Variants in DHX15 observed in about 807,000 individuals in gnomAD.
DHX15 encodes ATP-dependent RNA helicase DHX15.
DHX15 carries 11 observed loss-of-function variants against 94.4 expected under a neutral mutation model. The ratio of observed to expected loss-of-function variants is 0.12; its 90% CI spans 0.07 to 0.19. DHX15 has a LOEUF of 0.19. DHX15 is among the 10% of genes least tolerant of loss of function. The pLI is 1.00. For missense variants in DHX15, 304 were observed against 988.5 expected (o/e 0.31, Z 9.29); for synonymous variants, 338 against 329.9 (o/e 1.02, Z -0.27).
chr4:24,577,322 T>A (rs1233723971), intron 1 of DHX15, among the ~76,000 whole-genome samples: 1 of 152,204 alleles, frequency 6.6e-6, no homozygotes, highest in African/African-American at 2.4e-5. Flanking sequence ...AAATACGAAT[T>A]ACAGGACTGC....
chr4:24,581,397 A>G (rs1323229934), intron 1 of DHX15, among the ~76,000 whole-genome samples: 2 of 152,206 alleles, frequency 1.3e-5, no homozygotes, highest in Non-Finnish European at 2.9e-5. Context: ...AAAAAAAATC[A>G]AAGTACAAAA....
At chr4:24,572,816 G>C (rs1367864152) in intron 2 of DHX15, among the ~76,000 whole-genome samples, 1 of 152,166 alleles carries the variant, frequency 6.6e-6, no homozygotes, top group African/African-American at 2.4e-5. Context: ...GTCAGTTAAT[G>C]CATCTGTTCA....
intron 1 of DHX15, 34 bp downstream of exon 1, chr4:24,584,289 C>A (rs1178276307): frequency 6.3e-7 from 1 of 1,597,316 alleles, no homozygotes; most frequent in South Asian, 1.1e-5. Flanking sequence ...CAACAAAGCC[C>A]GAGCTGCCGC....
chr4:24,540,472 T>C (rs898436699), intron 9 of DHX15, among the ~76,000 whole-genome samples, 173 bp from the exon 10 acceptor site: 5 of 152,104 alleles, frequency 3.3e-5, no homozygotes, highest in South Asian at 2.1e-4. Flanking sequence ...CATAAAAACA[T>C]TGCAAAATTT....
intron 13 of DHX15, among the ~76,000 whole-genome samples, 180 bp downstream of exon 13, chr4:24,529,421 T>A (rs896780537): frequency 1.3e-5 from 2 of 152,134 alleles, no homozygotes; most frequent in Non-Finnish European, 2.9e-5. Context: ...AATCCCACTG[T>A]CCACTTAACA....
chr4:24,547,966 TGCTG>T (rs1412084775), intron 6 of DHX15, among the ~76,000 whole-genome samples: 3 of 142,512 alleles, frequency 2.1e-5, no homozygotes, highest in African/African-American at 5.4e-5. Context: ...TATATCTATC[TGCTG>T]ATGGGGACTA....
intron 13 of DHX15, 57 bp downstream of exon 13, chr4:24,529,544 G>C: frequency 6.7e-7 from 1 of 1,483,154 alleles, no homozygotes; most frequent in East Asian, 2.3e-5. Flanking sequence ...GCAACAGTCA[G>C]GTTCCATTTT....
rs546814753 is a variant in DHX15 at position 24,546,997 on chromosome 4, A to G, written c.1248+1858T>C. Among the ~76,000 whole-genome samples, 12 of 152,350 alleles carry G rather than the reference A, an allele frequency of 7.9e-5. No individual in the cohort carries two copies. In the East Asian group the frequency reaches 1.2e-3, roughly 15 times the overall value. ...TAAAACTTGTATAGATCCCTCCTCT[A>G]TAAGCCAGGCTTGTATGAAAACTTT... is the stretch of plus-strand genomic sequence containing the variant. On this transcript the variant is annotated intron_variant, in intron 6 of 13. Transcript: ENST00000336812.
intron 13 of DHX15, among the ~76,000 whole-genome samples, chr4:24,529,325 C>A (rs1211201810): frequency 6.6e-6 from 1 of 152,210 alleles, no homozygotes; most frequent in African/African-American, 2.4e-5. Context: ...AGGTGTGAGC[C>A]ACCATGCCCA....
rs943715417 is a variant in DHX15, at chr4:24,527,485, T to C, written c.*439A>G. The C allele has an allele frequency of 5.2e-5, 8 of 153,838 alleles. No homozygotes were observed. Among genetic ancestry groups the C allele is most frequent in the African/African-American group, 1.2e-4 (5 of 41,484 alleles). The allele number at this position is 153,838 out of a possible 1,614,324, so 9.5% of individuals were successfully genotyped here. ...GGGCTTTGGCCAAAATTAGTATAAA[T>C]AGACTTTATTGAAGTCAGTGCCTCT... On this transcript the variant is annotated 3_prime_UTR_variant, in exon 14 of 14. Coordinates refer to ENST00000336812, the MANE Select transcript of DHX15 (RefSeq NM_001358.3).
intron 10 of DHX15, among the ~76,000 whole-genome samples, chr4:24,539,412 G>A (rs1415772310): frequency 6.6e-6 from 1 of 152,160 alleles, no homozygotes; most frequent in Non-Finnish European, 1.5e-5. Context: ...CTCCTTTAGG[G>A]AAAATCTAAT....
Position 24,529,734 on chromosome 4 carries a change from C to G in DHX15, c.2137G>C (p.Val713Leu). ...HLERTGHYLT[V>L]KDNQVVQLHP... ...AACTGAACCACCTGGTTATCTTTCACAGTTAAGTAATGCCCTGTTCGTTCT... is the reference window on the plus strand; with the variant it reads ...AACTGAACCACCTGGTTATCTTTCAGAGTTAAGTAATGCCCTGTTCGTTCT... Residue 713 changes from valine to leucine, a missense_variant, in exon 13 of 14, where the codon GTG becomes CTG. Physicochemically the swap from Val to Leu is conservative, Grantham distance 32 (BLOSUM62 1). This residue lies in a region of DHX15 where 44 missense variants were observed against 236.7 expected (regional missense o/e 0.19). Coordinates refer to ENST00000336812, the MANE Select transcript of DHX15 (RefSeq NM_001358.3). The G allele has an allele frequency of 6.2e-7, 1 of 1,614,200 alleles. No individual in the cohort carries two copies. The highest frequency in any genetic ancestry group is 8.5e-7 in the Non-Finnish European group (1 of 1,180,022).
intron 5 of DHX15, among the ~76,000 whole-genome samples, chr4:24,549,689 T>C (rs919222681): frequency 2.6e-5 from 4 of 152,226 alleles, no homozygotes; most frequent in Non-Finnish European, 1.5e-5. Flanking sequence ...TATTGCTCCC[T>C]AGGCTACAAA....
chr4:24,552,543 TG>T (rs1560767866), intron 5 of DHX15, among the ~76,000 whole-genome samples: 1 of 152,208 alleles, frequency 6.6e-6, no homozygotes, highest in African/African-American at 2.4e-5. Flanking sequence ...CTCAATTTCA[TG>T]GAGGCTATTC....
At chr4:24,528,782 A>C (rs1048069848) in intron 13 of DHX15, among the ~76,000 whole-genome samples, 3 of 152,216 alleles carry the variant, frequency 2.0e-5, no homozygotes, top group African/African-American at 7.2e-5. Flanking sequence ...ATTTTGTAGA[A>C]GCTAGTATGT....
In DHX15 at chr4:24,529,593, G is replaced by A. The variant is rs780887714; in HGVS notation, c.2270+8C>T. ...ACAAAAAACTGTTAGAACAAAAGGT[G>A]TACTTACCATTCTGGCTTGATATCT... On this transcript the variant is annotated splice_region_variant and intron_variant, in intron 13 of 13. Coordinates refer to ENST00000336812, the MANE Select transcript of DHX15 (RefSeq NM_001358.3). 8 of 1,613,416 alleles carry A rather than the reference G, an allele frequency of 5.0e-6. No individual in the cohort carries two copies. The highest frequency in any genetic ancestry group is 6.8e-6 in the Non-Finnish European group (8 of 1,179,692).
intron 2 of DHX15, 128 bp downstream of exon 2, chr4:24,576,115 C>T: frequency 1.4e-6 from 1 of 720,834 alleles, no homozygotes; most frequent in Non-Finnish European, 2.3e-6. Flanking sequence ...GCCAATTAAA[C>T]ATCAAATCAG....
chr4:24,540,726 C>G (rs1365075598), intron 9 of DHX15, 114 bp downstream of exon 9: 2 of 584,282 alleles, frequency 3.4e-6, no homozygotes, highest in Non-Finnish European at 6.0e-6. Flanking sequence ...TTGATGCATA[C>G]TGGATGGAAA....
At chr4:24,539,999 C>A in intron 10 of DHX15, 109 bp downstream of exon 10, 1 of 739,626 alleles carries the variant, frequency 1.4e-6, no homozygotes, top group Non-Finnish European at 2.1e-6. Flanking sequence ...TTCCTTAAAA[C>A]CATCTATAAA....
Sources: allele counts gnomAD v4.1 joint callset (sites outside exome capture counted in the v4.1 genomes callset), GRCh38; gene constraint gnomAD v4.1.1; regional missense constraint gnomAD v4.1.1; transcripts MANE v1.5; gene names NCBI Gene and HGNC (gene_info 2026-07-23, HGNC 2026-07-21).